Variants in LRRIQ1 observed in about 807,000 individuals in gnomAD.
LRRIQ1 encodes leucine rich repeats and IQ motif containing 1.
LRRIQ1 carries 210 observed loss-of-function variants against 211.9 expected under a neutral mutation model. The observed-to-expected ratio is 0.99, with a 90% CI of 0.89 to 1.11. The LOEUF is 1.11. Ranked by LOEUF, LRRIQ1 falls within the 50% of genes most tolerant of loss-of-function variation. LRRIQ1 has a pLI of 0.00. For synonymous variants in LRRIQ1, 699 were observed against 650.1 expected, an observed-to-expected ratio of 1.08 and a Z score of -1.14; for missense variants, 2,136 against 1,939.5, an observed-to-expected ratio of 1.10 and a Z score of -1.90.
intron 6 of LRRIQ1, among the ~76,000 whole-genome samples, chr12:85,050,186 C>T (rs12298240): frequency 6.6e-6 from 1 of 152,114 alleles, no homozygotes; most frequent in Non-Finnish European, 1.5e-5. Flanking sequence ...CAGGCCCCAC[C>T]TCCAACACTG....
chr12:85,118,499 G>GTTTTTTTTTTTT (rs71445022), intron 15 of LRRIQ1, among the ~76,000 whole-genome samples: 1 of 127,858 alleles, frequency 7.8e-6, no homozygotes, highest in Non-Finnish European at 1.7e-5. Flanking sequence ...GAAAAACTAT[G>GTTTTTTTTTTTT]TTTTTTTTTT....
Position 85,193,387 on chromosome 12 carries a change from G to C in LRRIQ1, c.4822+32673G>C, listed in dbSNP as rs1592949241. Among the ~76,000 whole-genome samples the C allele has an allele frequency of 2.3e-5, 3 of 128,750 alleles. No individual in the cohort carries two copies. The East Asian group carries it at 6.4e-4, about 28-fold the overall frequency. The allele number at this position is 128,750 out of a possible 152,430, so 84.5% of individuals were successfully genotyped here. Reference sequence around the variant, plus strand: ...CATAATTGTCAGATTCACCAAAGTTGAAATGAAGGAAAAAATGTTAAGGGC... The same window carrying C: ...CATAATTGTCAGATTCACCAAAGTTCAAATGAAGGAAAAAATGTTAAGGGC... On this transcript the variant is annotated intron_variant, in intron 24 of 26. Coordinates refer to ENST00000393217, the MANE Select transcript of LRRIQ1 (RefSeq NM_001079910.2).
At position 85,046,124 on chromosome 12, in the gene LRRIQ1, A is replaced by G; in HGVS notation, c.441A>G (p.Glu147=). Residue 147 remains glutamate, a synonymous_variant, in exon 5 of 27, where the codon GAA becomes GAG. Transcript: ENST00000393217. ...GTCCTCATGACTTGCCTATGGATGA[A>G]CATGTTTTACCAGGTGGACTAAATT... The part of the protein sequence containing the change: ...EPSPHDLPMD[E]HVLPDDADIN... 6.3e-7 allele frequency: 1 copy of G among 1,593,810 alleles called. No homozygotes were observed. The highest frequency in any genetic ancestry group is 8.6e-7 in the Non-Finnish European group (1 of 1,164,472).
In LRRIQ1 at chr12:85,243,731, A is replaced by C. The variant is rs1895581026; in HGVS notation, c.5017-1058A>C. ...ATTTGGAAAAATAGAAGTATATTAA[A>C]ATAAATAAATAAATGTAAGTTCATA... is the stretch of plus-strand genomic sequence containing the variant. On this transcript the variant is annotated intron_variant, in intron 26 of 26. Transcript: ENST00000393217. Among the ~76,000 whole-genome samples, 13 of 151,762 alleles carry C rather than the reference A, an allele frequency of 8.6e-5. No individual in the cohort carries two copies. In the South Asian group the frequency reaches 2.7e-3, roughly 31 times the overall value.
intron 18 of LRRIQ1, among the ~76,000 whole-genome samples, chr12:85,130,081 T>C (rs1888645527): frequency 6.6e-6 from 1 of 152,106 alleles, no homozygotes; most frequent in African/African-American, 2.4e-5. Context: ...AAAAAAGAAA[T>C]TACCCTTCCT....
intron 24 of LRRIQ1, among the ~76,000 whole-genome samples, chr12:85,175,318 T>C (rs1891637386): frequency 1.3e-5 from 2 of 152,240 alleles, no homozygotes; most frequent in Admixed American, 1.3e-4. Context: ...AAACATTCCA[T>C]GATGACAGAG....
rs1351643627 is a variant in LRRIQ1 at position 85,057,019 on chromosome 12, A to C, written c.2226A>C (p.Arg742Ser). Residue 742 changes from arginine to serine, a missense_variant, in exon 8 of 27, where the codon AGA becomes AGC. Transcript: ENST00000393217. ...TTCTATATTCTATTGAAGAAAGGAG[A>C]CTAGCCTGGATAAAATCATTTAAAC... ...STLLYSIEER[R>S]LAWIKSFKPW... 2.5e-6 allele frequency: 4 copies of C among 1,606,240 alleles called. No individual in the cohort carries two copies. The Admixed American group carries it at 6.9e-5, about 28-fold the overall frequency.
chr12:85,123,592 GATT>G (rs1888141069), intron 16 of LRRIQ1, among the ~76,000 whole-genome samples: 1 of 152,046 alleles, frequency 6.6e-6, no homozygotes, highest in Admixed American at 6.6e-5. Context: ...CTTTGCAATA[GATT>G]ATTATTTTTC....
chr12:85,190,250 A>T (rs972880222), intron 24 of LRRIQ1, among the ~76,000 whole-genome samples: 4 of 145,006 alleles, frequency 2.8e-5, no homozygotes, highest in Non-Finnish European at 4.5e-5. Flanking sequence ...ACATTATATT[A>T]TATATTAACT....
rs1377579026 is a variant in LRRIQ1, at chr12:85,124,399, G to A, written c.3887G>A (p.Cys1296Tyr). 6.2e-7 allele frequency: 1 copy of A among 1,614,076 alleles called. No individual in the cohort carries two copies. The highest frequency in any genetic ancestry group is 1.1e-5 in the South Asian group (1 of 91,086). The stretch of plus-strand genomic sequence containing the variant: ...GGAAGACATCAGGAAATATTAGTAT[G>A]TCAGAAGAGAGAAGACAGCAAGGCA... ...MEGRHQEILVCQKREDSKASS... is the reference protein window; with the variant it reads ...MEGRHQEILVYQKREDSKASS... Residue 1296 changes from cysteine (C) to tyrosine (Y), a missense_variant, in exon 17 of 27, where the codon TGT (cysteine) becomes TAT (tyrosine). Cys to Tyr is a radical substitution (Grantham distance 194, BLOSUM62 -2). Coordinates refer to ENST00000393217, the MANE Select transcript of LRRIQ1 (RefSeq NM_001079910.2).
chr12:85,198,000 A>G (rs1482488372), intron 24 of LRRIQ1, among the ~76,000 whole-genome samples: 4 of 57,474 alleles, frequency 7.0e-5, no homozygotes, highest in East Asian at 3.5e-4. Flanking sequence ...TATTATATAT[A>G]ACATATATAA....
At chr12:85,154,629 A>G (rs2136684178) in intron 23 of LRRIQ1, among the ~76,000 whole-genome samples, 1 of 151,462 alleles carries the variant, frequency 6.6e-6, no homozygotes, top group South Asian at 2.1e-4. Flanking sequence ...TCTTTAAATC[A>G]TTTGTTTTTC....
chr12:85,250,863 T>A (rs1352526770), intron 1 of LRRIQ1, among the ~76,000 whole-genome samples: 2 of 106,754 alleles, frequency 1.9e-5, no homozygotes, highest in Non-Finnish European at 3.6e-5. Flanking sequence ...ATATATATTA[T>A]AGATTATATA....
intron 15 of LRRIQ1, among the ~76,000 whole-genome samples, chr12:85,116,236 G>A (rs1887567125): frequency 1.3e-5 from 2 of 152,042 alleles, no homozygotes; most frequent in Admixed American, 1.3e-4. Flanking sequence ...TCCGCCTCCC[G>A]GGTTCATGCC....
At chr12:85,127,767 T>G (rs953348038) in intron 17 of LRRIQ1, 65 bp from the exon 18 acceptor site, 1 of 1,403,040 alleles carries the variant, frequency 7.1e-7, no homozygotes, top group Non-Finnish European at 9.9e-7. Context: ...GGAGGACCTT[T>G]TATCTACAAC....
intron 26 of LRRIQ1, among the ~76,000 whole-genome samples, chr12:85,241,525 C>A (rs1296126375): frequency 6.6e-6 from 1 of 151,746 alleles, no homozygotes; most frequent in Non-Finnish European, 1.5e-5. Context: ...CCATAATTTG[C>A]AAATTATTCT....
At chr12:85,176,569 A>G (rs1290093552) in intron 24 of LRRIQ1, among the ~76,000 whole-genome samples, 1 of 126,820 alleles carries the variant, frequency 7.9e-6, no homozygotes, top group Non-Finnish European at 1.6e-5. Flanking sequence ...AGGAAGGGGA[A>G]TATCACACTC....
chr12:85,047,213 C>G lies in LRRIQ1; in HGVS notation c.455-34C>G, dbSNP rs528510115. The G allele has an allele frequency of 2.0e-6, 3 of 1,472,548 alleles. No individual in the cohort carries two copies. The South Asian group carries it at 3.9e-5, about 19-fold the overall frequency. The allele number at this position is 1,472,548 out of a possible 1,614,324, so 91.2% of individuals were successfully genotyped here. On this transcript the variant is annotated intron_variant, in intron 5 of 26. Coordinates refer to ENST00000393217, the MANE Select transcript of LRRIQ1 (RefSeq NM_001079910.2). ...ATTAGTTTTGACAGTTTTGATCTTA[C>G]AAATGATGATGTTATTTTTCTTCAT...
intron 26 of LRRIQ1, chr12:85,233,179 T>G (rs572276529): frequency 5.1e-6 from 1 of 195,160 alleles, no homozygotes; most frequent in South Asian, 9.7e-5. Context: ...TGTAATAAAG[T>G]GTAAAATATT....
Sources: allele counts gnomAD v4.1 joint callset (sites outside exome capture counted in the v4.1 genomes callset), GRCh38; gene constraint gnomAD v4.1.1; transcripts MANE v1.5; gene names NCBI Gene and HGNC (gene_info 2026-07-23, HGNC 2026-07-21).